TRHDE: variants seen among roughly 807,000 people sequenced by gnomAD.
The protein encoded by TRHDE is thyrotropin releasing hormone degrading enzyme.
TRHDE carries 72 observed loss-of-function variants against 125.7 expected under a neutral mutation model. The ratio of observed to expected loss-of-function variants is 0.57; its 90% confidence interval spans 0.47 to 0.70. TRHDE has a LOEUF of 0.70. Ranked by LOEUF, TRHDE falls within the 30% of genes least tolerant of loss-of-function variation. The pLI, the probability that TRHDE is intolerant of heterozygous loss-of-function variation, is 0.00. For missense variants in TRHDE, 1,110 were observed against 1,327.1 expected, an observed-to-expected ratio of 0.84 and a Z score of 2.54; for synonymous variants, 509 against 509.1, an observed-to-expected ratio of 1.00 and a Z score of 0.00.
intron 3 of TRHDE, among the ~76,000 whole-genome samples, chr12:72,384,210 G>T (rs1872316563): frequency 6.6e-6 from 1 of 151,970 alleles, no homozygotes; most frequent in Admixed American, 6.5e-5. Flanking sequence ...CTACTACTCT[G>T]TAATTTGTAA....
At chr12:72,160,367 A>G (rs557953298) in intron 2 of TRHDE, among the ~76,000 whole-genome samples, 14 of 152,310 alleles carry the variant, frequency 9.2e-5, no homozygotes, top group Admixed American at 6.5e-4. Flanking sequence ...AATCTCTGGG[A>G]TAAAACCCAT....
At chr12:72,355,914 A>C (rs1870795291) in intron 2 of TRHDE, among the ~76,000 whole-genome samples, 1 of 151,836 alleles carries the variant, frequency 6.6e-6, no homozygotes, top group Admixed American at 6.6e-5. Flanking sequence ...GATGCTGGTG[A>C]AGTTGCAGAG....
intron 6 of TRHDE, among the ~76,000 whole-genome samples, chr12:72,521,495 A>AGT (rs1879194118): frequency 6.6e-6 from 1 of 152,180 alleles, no homozygotes; most frequent in South Asian, 2.1e-4. Context: ...GCTTCTACAG[A>AGT]GTAGAGCACA....
chr12:72,373,086 T>A lies in TRHDE; in HGVS notation c.1189-4909T>A, dbSNP rs185418258. The stretch of plus-strand genomic sequence containing the variant: ...TTCATTGAGCAGTGGTTTGTAGTTC[T>A]CCTTGAAGAGATCCTTCATGTCCCT... On this transcript the variant is annotated intron_variant, in intron 2 of 18. Coordinates refer to ENST00000261180, the MANE Select transcript of TRHDE (RefSeq NM_013381.3). 9.1e-4 allele frequency among the ~76,000 whole-genome samples: 138 copies of A among 152,322 alleles called. 1 individual carries two copies. In the East Asian group the frequency reaches 0.024, roughly 26 times the overall value.
intron 2 of TRHDE, among the ~76,000 whole-genome samples, chr12:72,164,340 G>A (rs749693020): frequency 6.6e-6 from 1 of 152,142 alleles, no homozygotes. Context: ...CTCGATAGGC[G>A]GAAGGGTAAG....
chr12:72,361,632 T>C (rs1871089500), intron 2 of TRHDE, among the ~76,000 whole-genome samples: 1 of 150,872 alleles, frequency 6.6e-6, no homozygotes, highest in Non-Finnish European at 1.5e-5. Context: ...TACATATGTA[T>C]ACATGTGCCA....
At chr12:72,567,237 G>A (rs1287405710) in intron 9 of TRHDE, among the ~76,000 whole-genome samples, 1 of 151,820 alleles carries the variant, frequency 6.6e-6, no homozygotes, top group Non-Finnish European at 1.5e-5. Flanking sequence ...ATTATAAATT[G>A]TTTTATTACC....
At chr12:72,286,578 C>T in intron 1 of TRHDE, 103 bp from the exon 2 acceptor site, 2 of 1,146,894 alleles carry the variant, frequency 1.7e-6, no homozygotes, top group East Asian at 2.4e-5. Context: ...AAAAATATTG[C>T]AATTTGGAAT....
rs1292769112 is a variant in TRHDE, at chr12:72,562,146, C to T, written c.1789-19C>T. 1.6e-6 allele frequency: 2 copies of T among 1,281,674 alleles called. No homozygotes were observed. Among genetic ancestry groups the T allele is most frequent in the Admixed American group, 1.8e-5 (1 of 54,564 alleles). 79.4% of individuals were successfully genotyped at this position (1,281,674 alleles called of 1,614,324 possible). ...CTGTTTAACCTTTGAATTACAATTA[C>T]AATTTTATATTCTTGTAGGATTATT... On this transcript the variant is annotated intron_variant, in intron 7 of 18. Transcript: ENST00000261180.
chr12:72,215,826 T>C (rs1401413635), intron 2 of TRHDE, among the ~76,000 whole-genome samples: 1 of 152,166 alleles, frequency 6.6e-6, no homozygotes, highest in Non-Finnish European at 1.5e-5. Flanking sequence ...GGTTGGAGTC[T>C]GACAATTTGG....
chr12:72,230,901 T>C (rs1160406345), intron 2 of TRHDE, among the ~76,000 whole-genome samples: 1 of 152,210 alleles, frequency 6.6e-6, no homozygotes, highest in Non-Finnish European at 1.5e-5. Flanking sequence ...CTATGAATCA[T>C]TATTCTGTTT....
intron 3 of TRHDE, among the ~76,000 whole-genome samples, chr12:72,394,404 A>C (rs1234128532): frequency 2.0e-5 from 3 of 152,190 alleles, no homozygotes; most frequent in African/African-American, 7.2e-5. Flanking sequence ...AATTATATTA[A>C]TTAGCCTTCC....
intron 3 of TRHDE, among the ~76,000 whole-genome samples, chr12:72,416,592 C>G (rs909889097): frequency 1.3e-5 from 2 of 152,072 alleles, no homozygotes; most frequent in African/African-American, 4.8e-5. Context: ...CATTCTTCTG[C>G]ATATGGATGT....
At chr12:72,556,801 A>G (rs372819903) in intron 7 of TRHDE, among the ~76,000 whole-genome samples, 1 of 152,200 alleles carries the variant, frequency 6.6e-6, no homozygotes, top group Non-Finnish European at 1.5e-5. Flanking sequence ...CAATATTTCA[A>G]ACTCTTGCTT....
At chr12:72,438,142 G>A (rs1258653000) in intron 3 of TRHDE, among the ~76,000 whole-genome samples, 1 of 151,664 alleles carries the variant, frequency 6.6e-6, no homozygotes, top group Admixed American at 6.6e-5. Flanking sequence ...GTATTTCATT[G>A]TGTATATATA....
At chr12:72,377,437 T>G (rs1871939712) in intron 2 of TRHDE, among the ~76,000 whole-genome samples, 1 of 152,128 alleles carries the variant, frequency 6.6e-6, no homozygotes, top group African/African-American at 2.4e-5. Context: ...GCAGACAGCC[T>G]TCCAGAATGG....
At chr12:72,408,873 C>A (rs1436589199) in intron 3 of TRHDE, among the ~76,000 whole-genome samples, 1 of 151,830 alleles carries the variant, frequency 6.6e-6, no homozygotes, top group Non-Finnish European at 1.5e-5. Context: ...CAATAAAAAG[C>A]CATGGAGGGC....
intron 7 of TRHDE, among the ~76,000 whole-genome samples, chr12:72,549,343 T>G (rs1869564182): frequency 2.6e-5 from 4 of 151,802 alleles, no homozygotes; most frequent in Admixed American, 2.6e-4. Context: ...TACATGTAGG[T>G]TTTCAGATAA....
intron 2 of TRHDE, among the ~76,000 whole-genome samples, chr12:72,193,491 A>T (rs1877379186): frequency 6.6e-6 from 1 of 152,180 alleles, no homozygotes; most frequent in Non-Finnish European, 1.5e-5. Flanking sequence ...AAGAAAATGG[A>T]GCAAATAGTA....
Sources: allele counts gnomAD v4.1 joint callset (sites outside exome capture counted in the v4.1 genomes callset), GRCh38; gene constraint gnomAD v4.1.1; transcripts MANE v1.5; gene names NCBI Gene and HGNC (gene_info 2026-07-23, HGNC 2026-07-21).